ADCY1: variants seen among roughly 807,000 people sequenced by gnomAD.
ADCY1 encodes adenylate cyclase type 1.
Under a neutral mutation model 105.4 loss-of-function variants are expected in ADCY1, and 28 were observed. The observed-to-expected ratio is 0.27, with a 90% confidence interval of 0.20 to 0.36. ADCY1 has a LOEUF of 0.36. Ranked by LOEUF, ADCY1 falls within the 10% of genes least tolerant of loss-of-function variation. ADCY1 has a pLI of 1.00. For missense variants in ADCY1, 977 were observed against 1,434.2 expected (o/e 0.68, Z 5.15); for synonymous variants, 655 against 623.8 (o/e 1.05, Z -0.75).
chr7:45,615,196 T>TCTG (rs1447071398), intron 3 of ADCY1, among the ~76,000 whole-genome samples: 4 of 152,176 alleles, frequency 2.6e-5, no homozygotes, highest in African/African-American at 9.7e-5. Flanking sequence ...GGGATGAAAT[T>TCTG]AGAAATTAAT....
intron 1 of ADCY1, among the ~76,000 whole-genome samples, chr7:45,590,923 G>A (rs527762390): frequency 2.0e-5 from 3 of 152,150 alleles, no homozygotes; most frequent in Non-Finnish European, 2.9e-5. Flanking sequence ...AGGTGGGGGT[G>A]TGTCTGATGT....
At position 45,654,396 on chromosome 7, in the gene ADCY1, A is replaced by C. The variant is rs568807189; in HGVS notation, c.1149-3331A>C. ...TATTTTTGGTTTACTACATTGAATT[A>C]AATTAGAAGTAAATGGCATGTGCTT... is the stretch of plus-strand genomic sequence containing the variant. On this transcript the variant is annotated intron_variant, in intron 5 of 19. Transcript: ENST00000297323. Among the ~76,000 whole-genome samples the C allele has an allele frequency of 4.6e-5, 7 of 152,358 alleles. 1 individual carries two copies. In the South Asian group the frequency reaches 1.4e-3, roughly 32 times the overall value.
rs550906944 is a variant in ADCY1 at position 45,642,882 on chromosome 7, A to AT, written c.1021-5782dup. ...ATTTCTTCAGCATTATTAGCTCATG[A>AT]TTTTTTCTAAAAAAGAATACTTATT... On this transcript the variant is annotated intron_variant, in intron 4 of 19. Transcript: ENST00000297323. Among the ~76,000 whole-genome samples, 220 of 152,192 alleles carry AT rather than the reference A, an allele frequency of 1.4e-3. 1 individual carries two copies. The Middle Eastern group carries it at 0.017, about 12-fold the overall frequency.
intron 16 of ADCY1, 34 bp from the exon 17 acceptor site, chr7:45,704,484 T>C (rs748942850): frequency 1.0e-5 from 16 of 1,595,018 alleles, no homozygotes; most frequent in East Asian, 2.2e-5. Flanking sequence ...TCAAATGTTA[T>C]GTCATGTTTA....
intron 2 of ADCY1, among the ~76,000 whole-genome samples, chr7:45,604,600 C>G (rs1793326662): frequency 6.6e-6 from 1 of 152,160 alleles, no homozygotes; most frequent in African/African-American, 2.4e-5. Flanking sequence ...CATTGAATTA[C>G]TTTTGAACCT....
intron 4 of ADCY1, among the ~76,000 whole-genome samples, chr7:45,637,369 T>C (rs1036388860): frequency 6.6e-6 from 1 of 152,250 alleles, no homozygotes; most frequent in Non-Finnish European, 1.5e-5. Context: ...ATGTAGTAAC[T>C]ATTTCCTTTG....
At chr7:45,689,558 G>A (rs79700527) in intron 14 of ADCY1, among the ~76,000 whole-genome samples, 4,020 of 152,240 alleles carry the variant, frequency 0.026, 90 homozygotes, top group South Asian at 0.1. Context: ...TCTGACTATC[G>A]CGAGAAAGGA....
Position 45,702,193 on chromosome 7 carries a change from TA to T in ADCY1, c.2455-1181del, listed in dbSNP as rs76873756. 2.7e-4 allele frequency among the ~76,000 whole-genome samples: 41 copies of T among 152,338 alleles called. No individual in the cohort carries two copies. The East Asian group carries it at 4.4e-3, about 16-fold the overall frequency. Reference sequence around the variant, plus strand: ...ATATTCGTGGCCAGCTCAGCTCTGATAATATCAGTACTGCCAGAAAGCAGCT... The same window carrying T: ...ATATTCGTGGCCAGCTCAGCTCTGATATATCAGTACTGCCAGAAAGCAGCT... On this transcript the variant is annotated intron_variant, in intron 14 of 19. Transcript: ENST00000297323.
chr7:45,623,208 G>T (rs1417395337), intron 4 of ADCY1, among the ~76,000 whole-genome samples: 1 of 152,208 alleles, frequency 6.6e-6, no homozygotes, highest in Non-Finnish European at 1.5e-5. Flanking sequence ...CTGATGCCTG[G>T]TGCAGGCAGT....
At chr7:45,700,410 G>C (rs1354689301) in intron 14 of ADCY1, among the ~76,000 whole-genome samples, 3 of 152,180 alleles carry the variant, frequency 2.0e-5, no homozygotes, top group Non-Finnish European at 4.4e-5. Context: ...CAAAGTTAGA[G>C]ACTAAGTTCC....
chr7:45,659,200 G>T (rs1795023804), intron 6 of ADCY1, among the ~76,000 whole-genome samples: 2 of 152,298 alleles, frequency 1.3e-5, no homozygotes, highest in Non-Finnish European at 2.9e-5. Context: ...ACCCTCTCAG[G>T]ATCCCAGTGA....
At chr7:45,612,855 C>G (rs1424734324) in intron 3 of ADCY1, among the ~76,000 whole-genome samples, 2 of 152,124 alleles carry the variant, frequency 1.3e-5, no homozygotes, top group Non-Finnish European at 2.9e-5. Flanking sequence ...ATAACTTCCC[C>G]CTACTCACCC....
intron 4 of ADCY1, among the ~76,000 whole-genome samples, chr7:45,641,750 C>T (rs1036729783): frequency 9.6e-5 from 14 of 145,860 alleles, no homozygotes; most frequent in Non-Finnish European, 2.0e-4. Context: ...CAAGGTGAAA[C>T]CCCGTCTCTA....
intron 6 of ADCY1, among the ~76,000 whole-genome samples, chr7:45,659,547 C>A (rs1359311452): frequency 2.0e-5 from 3 of 152,172 alleles, no homozygotes; most frequent in Non-Finnish European, 2.9e-5. Flanking sequence ...GGCTCCACAG[C>A]GTTTCTTACC....
intron 1 of ADCY1, among the ~76,000 whole-genome samples, chr7:45,589,388 C>T (rs867223315): frequency 7.9e-5 from 12 of 152,136 alleles, no homozygotes; most frequent in African/African-American, 2.2e-4. Context: ...GTGGGGAGGC[C>T]GCCTGTCCCC....
rs974424432 is a variant in ADCY1 at position 45,720,342 on chromosome 7, C to G, written c.*6347C>G. 1 of 151,664 alleles carries G rather than the reference C, an allele frequency of 6.6e-6. No individual in the cohort carries two copies. The highest frequency in any genetic ancestry group is 1.5e-5 in the Non-Finnish European group (1 of 68,000). 9.4% of individuals were successfully genotyped at this position (151,664 alleles called of 1,614,324 possible). ...CCTGGTCAACATGGTGAAACCCCGT[C>G]TCTACTAAAAATACAAAAAAAAAAT... is the stretch of plus-strand genomic sequence containing the variant. On this transcript the variant is annotated 3_prime_UTR_variant, in exon 20 of 20. Transcript: ENST00000297323.
intron 17 of ADCY1, among the ~76,000 whole-genome samples, chr7:45,706,068 G>T (rs547312558): frequency 6.6e-6 from 1 of 152,212 alleles, no homozygotes; most frequent in African/African-American, 2.4e-5. Flanking sequence ...AAGTAATTGG[G>T]GAGTCAGTGT....
chr7:45,577,532 C>G (rs143386069), intron 1 of ADCY1, among the ~76,000 whole-genome samples: 2 of 152,222 alleles, frequency 1.3e-5, no homozygotes, highest in Non-Finnish European at 2.9e-5. Flanking sequence ...TTCTGCTGCT[C>G]TTCACTGCTT....
At chr7:45,642,016 T>G (rs1036218184) in intron 4 of ADCY1, among the ~76,000 whole-genome samples, 2 of 151,668 alleles carry the variant, frequency 1.3e-5, no homozygotes, top group African/African-American at 2.4e-5. Flanking sequence ...TTGATTGTCT[T>G]GCGAGATTTT....
Sources: gnomAD v4.1 joint callset for allele counts (sites outside exome capture counted in the v4.1 genomes callset) on GRCh38, gnomAD v4.1.1 for gene constraint, MANE v1.5 for transcripts, NCBI Gene and HGNC (gene_info 2026-07-23, HGNC 2026-07-21) for gene names.